KLF12: variants seen among roughly 807,000 people sequenced by gnomAD.
KLF12 encodes the protein KLF transcription factor 12, also known as Krueppel-like factor 12.
Under a neutral mutation model 37.8 loss-of-function variants are expected in KLF12, and 9 were observed. That is an observed-to-expected ratio of 0.24 (90% CI 0.14 to 0.42). The LOEUF (loss-of-function observed/expected upper bound fraction) is 0.42, where lower values mean the gene tolerates loss of function less well. Ranked by LOEUF, KLF12 falls within the 10% of genes least tolerant of loss-of-function variation. The pLI is 1.00. For missense variants in KLF12, 411 were observed against 516.0 expected, an observed-to-expected ratio of 0.80 and a Z score of 1.97; for synonymous variants, 208 against 202.1, an observed-to-expected ratio of 1.03 and a Z score of -0.25.
At chr13:74,148,403 C>CTTTTTTTTTTTTTT in the KLF12 span, among the ~76,000 whole-genome samples, 3 of 73,498 alleles carry the variant, frequency 4.1e-5, no homozygotes, top group Non-Finnish European at 7.1e-5. Flanking sequence ...CAAAACTGCT[C>CTTTTTTTTTTTTTT]TTTTTTTTTT....
intron 1 of KLF12, among the ~76,000 whole-genome samples, chr13:74,086,687 C>T (rs1167366236): frequency 1.3e-5 from 2 of 151,888 alleles, no homozygotes; most frequent in African/African-American, 4.8e-5. Context: ...GGGTACTGAC[C>T]CCTACCTCGG....
chr13:73,843,229 G>A (rs1056177830), intron 4 of KLF12, among the ~76,000 whole-genome samples: 1 of 151,530 alleles, frequency 6.6e-6, no homozygotes, highest in Admixed American at 6.6e-5. Context: ...TATTGATTTT[G>A]GTATTTTTTG....
the KLF12 span, among the ~76,000 whole-genome samples, chr13:74,156,334 G>A: frequency 1.3e-5 from 2 of 151,852 alleles, no homozygotes; most frequent in African/African-American, 2.4e-5. Flanking sequence ...TATCTCCTTT[G>A]GGATGAAGGA....
At chr13:74,120,019 A>G (rs1877532259) in intron 1 of KLF12, among the ~76,000 whole-genome samples, 2 of 152,172 alleles carry the variant, frequency 1.3e-5, no homozygotes, top group Admixed American at 1.3e-4. Flanking sequence ...ATCTTTTCAG[A>G]AGTATATAAA....
chr13:73,976,054 G>C (rs139452979), intron 2 of KLF12, among the ~76,000 whole-genome samples: 67 of 151,832 alleles, frequency 4.4e-4, no homozygotes, highest in Non-Finnish European at 9.0e-4. Context: ...ATGGTTGGAA[G>C]CTCAGAAACT....
In KLF12 at chr13:73,861,121, A is replaced by T. The variant is rs73537945; in HGVS notation, c.124-14748T>A. On this transcript the variant is annotated intron_variant, in intron 3 of 7. Coordinates refer to ENST00000377669, the MANE Select transcript of KLF12 (RefSeq NM_007249.5). The stretch of plus-strand genomic sequence containing the variant: ...TTTCTGGTTCCAAAACTTAGTCTTC[A>T]TGTCTATCAAGTTTTTCAAAGTTAG... Among the ~76,000 whole-genome samples the T allele has an allele frequency of 3.0e-3, 450 of 152,332 alleles. 2 individuals are homozygous for T. Among genetic ancestry groups the T allele is most frequent in the African/African-American group, 0.01 (424 of 41,570 alleles).
chr13:74,134,097 G>A (rs1878427489), upstream of KLF12, among the ~76,000 whole-genome samples: 1 of 151,570 alleles, frequency 6.6e-6, no homozygotes, highest in African/African-American at 2.4e-5. Flanking sequence ...CCAGCCGAGG[G>A]GGTTGCAGGA....
At chr13:74,285,029 C>T in the KLF12 span, among the ~76,000 whole-genome samples, 1 of 152,078 alleles carries the variant, frequency 6.6e-6, no homozygotes, top group Non-Finnish European at 1.5e-5. Flanking sequence ...TTTCTTTTAA[C>T]TCATCAAATT....
chr13:74,185,721 A>G, the KLF12 span, among the ~76,000 whole-genome samples: 1 of 150,968 alleles, frequency 6.6e-6, no homozygotes, highest in African/African-American at 2.4e-5. Context: ...ATCTCGGCTC[A>G]CTGCAACCTC....
chr13:74,092,389 C>G (rs1875724147), intron 1 of KLF12, among the ~76,000 whole-genome samples: 1 of 149,736 alleles, frequency 6.7e-6, no homozygotes, highest in Non-Finnish European at 1.5e-5. Flanking sequence ...TTTGGGAGGC[C>G]AAGGCGGGCA....
At position 73,978,259 on chromosome 13, in the gene KLF12, C is replaced by T. The variant is rs531245311; in HGVS notation, c.33+16731G>A. Among the ~76,000 whole-genome samples, 5 of 151,510 alleles carry T rather than the reference C, an allele frequency of 3.3e-5. No individual in the cohort carries two copies. In the South Asian group the frequency reaches 1.0e-3, roughly 32 times the overall value. On this transcript the variant is annotated intron_variant, in intron 2 of 7. Transcript: ENST00000377669. ...CGTTATCCAAAATATGCAAAGAACG[C>T]AAAGTTCAGAAAAAAAAGAGTGTAA...
chr13:74,048,203 C>T (rs1893598262), intron 1 of KLF12, among the ~76,000 whole-genome samples: 1 of 152,192 alleles, frequency 6.6e-6, no homozygotes, highest in Non-Finnish European at 1.5e-5. Flanking sequence ...CATCAGCTTA[C>T]ATCTCACTGG....
chr13:74,131,707 T>A (rs1464056913), intron 1 of KLF12, among the ~76,000 whole-genome samples: 1 of 152,238 alleles, frequency 6.6e-6, no homozygotes, highest in Non-Finnish European at 1.5e-5. Context: ...CCCTCAAGAA[T>A]GTTTTGTTTA....
In KLF12 at chr13:73,916,204, TACTTACAC is replaced by T. The variant is rs1291296829; in HGVS notation, c.123+27769_123+27776del. ...GTACTCCAACTTGGGGAAGAGCTAATACTTACACACACACACACACACACACACACACA... is the reference window on the plus strand; with the variant it reads ...GTACTCCAACTTGGGGAAGAGCTAATACACACACACACACACACACACACA... On this transcript the variant is annotated intron_variant, in intron 3 of 7. Coordinates refer to ENST00000377669, the MANE Select transcript of KLF12 (RefSeq NM_007249.5). Among the ~76,000 whole-genome samples the T allele has an allele frequency of 1.9e-4, 23 of 123,184 alleles. No homozygotes were observed. The East Asian group carries it at 4.0e-3, about 22-fold the overall frequency. 80.8% of individuals were successfully genotyped at this position (123,184 alleles called of 152,430 possible).
At position 73,715,414 on chromosome 13, in the gene KLF12, C is replaced by A; in HGVS notation, c.981G>T (p.Val327=). The stretch of plus-strand genomic sequence containing the variant: ...CCTTCAGGTGAGAACTTTTTGTGTA[C>A]ACTTTGTTGCATCCCTCAAAATCAC... Residue 327 remains valine, a synonymous_variant, in exon 7 of 8, where the codon GTG becomes GTT. Transcript: ENST00000377669. The A allele has an allele frequency of 1.9e-6, 3 of 1,614,064 alleles. No homozygotes were observed. Among genetic ancestry groups the A allele is most frequent in the Non-Finnish European group, 2.5e-6 (3 of 1,179,952 alleles).
chr13:74,052,850 T>C (rs1348427562), intron 1 of KLF12, among the ~76,000 whole-genome samples: 2 of 152,178 alleles, frequency 1.3e-5, no homozygotes, highest in Non-Finnish European at 2.9e-5. Context: ...CATTTCTGCC[T>C]CATAAACTTC....
chr13:74,205,077 A>AT, the KLF12 span, among the ~76,000 whole-genome samples: 13,596 of 151,844 alleles, frequency 0.09, 646 homozygotes, highest in South Asian at 0.14. Flanking sequence ...GTTGCCATGT[A>AT]TTTTTTTTGG....
intron 5 of KLF12, among the ~76,000 whole-genome samples, chr13:73,778,500 C>T (rs779113410): frequency 6.6e-6 from 1 of 152,160 alleles, no homozygotes; most frequent in Non-Finnish European, 1.5e-5. Flanking sequence ...GCTGGGACTA[C>T]AAGCGCCTGC....
intron 1 of KLF12, among the ~76,000 whole-genome samples, chr13:74,112,868 C>T (rs1186300957): frequency 6.6e-6 from 1 of 152,214 alleles, no homozygotes; most frequent in Non-Finnish European, 1.5e-5. Context: ...GACCGAAAGC[C>T]AGGCCTCTTG....
Sources: allele counts gnomAD v4.1 joint callset (sites outside exome capture counted in the v4.1 genomes callset), GRCh38; gene constraint gnomAD v4.1.1; transcripts MANE v1.5; gene names NCBI Gene and HGNC (gene_info 2026-07-23, HGNC 2026-07-21).